SUPT4H1: variants seen among roughly 807,000 people sequenced by gnomAD.
SUPT4H1 encodes SPT4 homolog, DSIF elongation factor subunit.
SUPT4H1 carries 12 observed loss-of-function variants against 19.4 expected under a neutral mutation model. The observed-to-expected ratio is 0.62, with a 90% CI of 0.40 to 1.00. The LOEUF is 1.00. Among genes scored for constraint, SUPT4H1 ranks in the 50% least tolerant of loss-of-function variants. The probability of loss-of-function intolerance (pLI) is 0.00; values close to 1 mark genes in which losing one functional copy is unlikely to be tolerated. For synonymous variants in SUPT4H1, 58 were observed against 56.3 expected (o/e 1.03, Z -0.14); for missense variants, 115 against 149.2 (o/e 0.77, Z 1.19).
In SUPT4H1 at chr17:58,347,561, T is replaced by G. The variant is rs1972338779; in HGVS notation, c.200A>C (p.Glu67Ala). The change falls in exon 3 of 5, where the codon GAG becomes GCG. Residue 67 changes from glutamate (E) to alanine (A), a missense_variant. Transcript: ENST00000225504. ...CTGCCACTTGGAGACCCAGCTGTCC[T>G]CTGGACTCATCATCGCAATGATTCT... is the stretch of plus-strand genomic sequence containing the variant. ...FDGIIAMMSP[E>A]DSWVSKWQRV... 2 of 1,614,174 alleles carry G rather than the reference T, an allele frequency of 1.2e-6. No individual in the cohort carries two copies. The highest frequency in any genetic ancestry group is 1.7e-6 in the Non-Finnish European group (2 of 1,180,022).
chr17:58,347,077 A>G (rs1187229806), intron 4 of SUPT4H1, 111 bp downstream of exon 4: 1 of 1,069,254 alleles, frequency 9.4e-7, no homozygotes, highest in East Asian at 2.4e-5. Flanking sequence ...GGTTCCCCCC[A>G]TCTGTAAAAT....
chr17:58,351,644 C>A (rs1972526066), intron 1 of SUPT4H1, 136 bp from the exon 2 acceptor site: 1 of 633,624 alleles, frequency 1.6e-6, no homozygotes, highest in East Asian at 2.7e-5. Context: ...AGGTTCCCCA[C>A]CTACTACTCT....
intron 3 of SUPT4H1, 61 bp from the exon 4 acceptor site, chr17:58,347,302 T>C (rs1338194354): frequency 1.8e-5 from 29 of 1,579,724 alleles, no homozygotes; most frequent in Middle Eastern, 1.7e-4. Flanking sequence ...CAAGATCAAA[T>C]GGAAGCTTAA....
At chr17:58,346,400 T>C in intron 4 of SUPT4H1, 87 bp from the exon 5 acceptor site, 1 of 1,087,010 alleles carries the variant, frequency 9.2e-7, no homozygotes, top group Non-Finnish European at 1.4e-6. Flanking sequence ...GGGGGTACTA[T>C]AAGCAAACTG....
intron 2 of SUPT4H1, among the ~76,000 whole-genome samples, chr17:58,349,035 T>C (rs912025252): frequency 1.3e-5 from 2 of 152,186 alleles, no homozygotes; most frequent in Non-Finnish European, 2.9e-5. Context: ...CCCATCAGGA[T>C]GGCTATTATT....
intron 2 of SUPT4H1, among the ~76,000 whole-genome samples, chr17:58,348,378 T>C (rs914231057): frequency 3.9e-5 from 6 of 152,256 alleles, no homozygotes; most frequent in South Asian, 2.1e-4. Context: ...TCAGTAACAA[T>C]CTTGGATTCT....
At chr17:58,347,724 G>T in intron 2 of SUPT4H1, 140 bp from the exon 3 acceptor site, 1 of 785,872 alleles carries the variant, frequency 1.3e-6, no homozygotes, top group Non-Finnish European at 2.2e-6. Context: ...GTTGGGATGA[G>T]GCTGACTCAA....
intron 2 of SUPT4H1, among the ~76,000 whole-genome samples, chr17:58,350,971 G>A (rs1049111190): frequency 2.0e-5 from 3 of 151,236 alleles, no homozygotes; most frequent in Admixed American, 6.6e-5. Context: ...TTCTTCTCAT[G>A]TTAAGTCTTT....
At chr17:58,347,142 C>T (rs1972320580) in intron 4 of SUPT4H1, 46 bp downstream of exon 4, 1 of 1,584,786 alleles carries the variant, frequency 6.3e-7, no homozygotes, top group Non-Finnish European at 8.7e-7. Context: ...AAAACTTCCA[C>T]AGAGCTTTAC....
chr17:58,352,161 GAGAT>G lies in SUPT4H1; in HGVS notation c.-30_-27del. The G allele has an allele frequency of 6.2e-7, 1 of 1,612,430 alleles. No individual in the cohort carries two copies. Among genetic ancestry groups the G allele is most frequent in the South Asian group, 1.1e-5 (1 of 91,032 alleles). On this transcript the variant is annotated 5_prime_UTR_variant, in exon 1 of 5. Coordinates refer to ENST00000225504, the MANE Select transcript of SUPT4H1 (RefSeq NM_003168.3). ...CTTCGCCGATGGGAAGAACAACAGG[GAGAT>G]AGACGACCACAGCCTGTGCACCCGC...
In SUPT4H1 at chr17:58,348,187, C is replaced by T. The variant is rs1972362036; in HGVS notation, c.177-603G>A. On this transcript the variant is annotated intron_variant, in intron 2 of 4. Coordinates refer to ENST00000225504, the MANE Select transcript of SUPT4H1 (RefSeq NM_003168.3). ...CTCCTCATTATCCTAATAGTCCTTCCCAGGTAGCTGTGATTCCAGAGGAAT... is the reference window on the plus strand; with the variant it reads ...CTCCTCATTATCCTAATAGTCCTTCTCAGGTAGCTGTGATTCCAGAGGAAT... 2.0e-5 allele frequency among the ~76,000 whole-genome samples: 3 copies of T among 152,146 alleles called. No individual in the cohort carries two copies. In the South Asian group the frequency reaches 6.2e-4, roughly 32 times the overall value.
chr17:58,349,811 C>G (rs1350426290), intron 2 of SUPT4H1, among the ~76,000 whole-genome samples: 3 of 152,124 alleles, frequency 2.0e-5, no homozygotes, highest in Non-Finnish European at 1.5e-5. Flanking sequence ...CCATAGGTAC[C>G]TAAGGGTGCC....
rs747709634 is a variant in SUPT4H1 at position 58,351,547 on chromosome 17, G to A, written c.70-39C>T. 5.0e-6 allele frequency: 7 copies of A among 1,398,758 alleles called. No individual in the cohort carries two copies. The East Asian group carries it at 1.4e-4, about 27-fold the overall frequency. 86.6% of individuals were successfully genotyped at this position (1,398,758 alleles called of 1,614,324 possible). ...AAAAATAAAGGAAAAGGAGAGATAA[G>A]CATGAACAAGACCAAGAGAAAAAGT... On this transcript the variant is annotated intron_variant, in intron 1 of 4. Coordinates refer to ENST00000225504, the MANE Select transcript of SUPT4H1 (RefSeq NM_003168.3).
chr17:58,348,007 G>A (rs1972355102), intron 2 of SUPT4H1, among the ~76,000 whole-genome samples: 1 of 152,150 alleles, frequency 6.6e-6, no homozygotes, highest in Non-Finnish European at 1.5e-5. Flanking sequence ...TCCTCTTAAT[G>A]ACCTATACAT....
At chr17:58,348,607 C>G (rs746238682) in intron 2 of SUPT4H1, among the ~76,000 whole-genome samples, 23 of 152,164 alleles carry the variant, frequency 1.5e-4, no homozygotes, top group Non-Finnish European at 2.8e-4. Flanking sequence ...CCCTACAGCC[C>G]AACCTTATGA....
At chr17:58,346,890 G>C (rs1291658801) in intron 4 of SUPT4H1, among the ~76,000 whole-genome samples, 3 of 152,024 alleles carry the variant, frequency 2.0e-5, no homozygotes, top group Non-Finnish European at 4.4e-5. Flanking sequence ...GAGGTGGGAG[G>C]AGCACATGAG....
chr17:58,350,440 G>A (rs527373548), intron 2 of SUPT4H1, among the ~76,000 whole-genome samples: 16 of 151,812 alleles, frequency 1.1e-4, no homozygotes, highest in Non-Finnish European at 2.1e-4. Context: ...GAACCTGGGA[G>A]GCGGAGGTTG....
chr17:58,346,309 G>A lies in SUPT4H1; in HGVS notation c.291C>T (p.Ile97=), dbSNP rs772730323. 67 of 1,613,740 alleles carry A rather than the reference G, an allele frequency of 4.2e-5. No individual in the cohort carries two copies. In the East Asian group the frequency reaches 1.4e-3, roughly 33 times the overall value. The change falls in exon 5 of 5, where the codon ATC becomes ATT. Residue 97 remains isoleucine (I), a synonymous_variant. Coordinates refer to ENST00000225504, the MANE Select transcript of SUPT4H1 (RefSeq NM_003168.3). The part of the protein sequence containing the change: ...VSVTGRLPQG[I]VRELKSRGVA... ...CTCCTCGACTTTTCAGCTCCCGCAC[G>A]ATTCCTGAAGCAGGAAAAGAAACAG...
rs1420436260 is a variant in SUPT4H1, at chr17:58,352,176, A to G, written c.-41T>C. On this transcript the variant is annotated 5_prime_UTR_variant, in exon 1 of 5. Transcript: ENST00000225504. ...GAACAACAGGGAGATAGACGACCAC[A>G]GCCTGTGCACCCGCAGGAAGTAAAT... 5.0e-6 allele frequency: 8 copies of G among 1,596,786 alleles called. No individual in the cohort carries two copies. The highest frequency in any genetic ancestry group is 2.2e-5 in the East Asian group (1 of 44,726).
Sources: allele counts gnomAD v4.1 joint callset (sites outside exome capture counted in the v4.1 genomes callset), GRCh38; gene constraint gnomAD v4.1.1; transcripts MANE v1.5; gene names NCBI Gene and HGNC (gene_info 2026-07-23, HGNC 2026-07-21).